EEPD1: variants seen among roughly 807,000 people sequenced by gnomAD.
The protein encoded by EEPD1 is endonuclease/exonuclease/phosphatase family domain containing 1.
EEPD1 carries 17 observed loss-of-function variants against 46.3 expected under a neutral mutation model. That is an observed-to-expected ratio of 0.37 (90% CI 0.25 to 0.55). EEPD1 has a LOEUF of 0.55. Ranked by LOEUF, EEPD1 falls within the 20% of genes least tolerant of loss-of-function variation. The pLI is 0.83. For synonymous variants in EEPD1, 313 were observed against 315.6 expected, an observed-to-expected ratio of 0.99 and a Z score of 0.09; for missense variants, 673 against 745.6, an observed-to-expected ratio of 0.90 and a Z score of 1.13.
chr7:36,177,238 G>GT (rs11354084), intron 2 of EEPD1, among the ~76,000 whole-genome samples: 1 of 149,814 alleles, frequency 6.7e-6, no homozygotes, highest in African/African-American at 2.5e-5. Context: ...CTTACTTGAG[G>GT]TTTTTTTTTT....
At chr7:36,269,065 A>G (rs1158422499) in intron 3 of EEPD1, among the ~76,000 whole-genome samples, 1 of 152,198 alleles carries the variant, frequency 6.6e-6, no homozygotes, top group East Asian at 1.9e-4. Context: ...TGGAGTCTGC[A>G]TGGGTTTGTT....
intron 2 of EEPD1, among the ~76,000 whole-genome samples, chr7:36,224,302 C>G (rs146346178): frequency 6.6e-6 from 1 of 152,304 alleles, no homozygotes; most frequent in African/African-American, 2.4e-5. Flanking sequence ...AAGCAGAGCT[C>G]TTTCTCTGTG....
At chr7:36,272,527 TC>T (rs1160666375) in intron 3 of EEPD1, among the ~76,000 whole-genome samples, 1 of 144,562 alleles carries the variant, frequency 6.9e-6, no homozygotes, top group African/African-American at 2.6e-5. Flanking sequence ...TTTTTTGTGC[TC>T]CCTTCGCTTA....
chr7:36,243,948 A>G (rs1035677365), intron 3 of EEPD1, among the ~76,000 whole-genome samples: 1 of 151,882 alleles, frequency 6.6e-6, no homozygotes, highest in Non-Finnish European at 1.5e-5. Flanking sequence ...CCTAATGCTA[A>G]ATGACGAGTT....
chr7:36,186,550 T>C (rs1562678403), intron 2 of EEPD1, among the ~76,000 whole-genome samples: 1 of 152,254 alleles, frequency 6.6e-6, no homozygotes, highest in Non-Finnish European at 1.5e-5. Flanking sequence ...TATAGTCATC[T>C]TGTGAAAATA....
intron 2 of EEPD1, among the ~76,000 whole-genome samples, chr7:36,233,358 G>A (rs1254924388): frequency 2.0e-5 from 3 of 152,254 alleles, no homozygotes; most frequent in African/African-American, 7.2e-5. Flanking sequence ...TTTTCAGAAG[G>A]AGAAACCGAG....
chr7:36,286,677 G>A (rs1236281411), intron 5 of EEPD1, among the ~76,000 whole-genome samples: 4 of 152,320 alleles, frequency 2.6e-5, no homozygotes, highest in African/African-American at 9.6e-5. Flanking sequence ...TCTGGCTATA[G>A]TGGGCTCCAG....
intron 6 of EEPD1, among the ~76,000 whole-genome samples, chr7:36,288,024 A>G (rs958543086): frequency 1.3e-5 from 2 of 152,012 alleles, no homozygotes; most frequent in Non-Finnish European, 2.9e-5. Flanking sequence ...CCTCATTTAG[A>G]TAGAAAGGAT....
intron 6 of EEPD1, among the ~76,000 whole-genome samples, chr7:36,295,533 G>C (rs1005262342): frequency 2.6e-5 from 4 of 151,370 alleles, no homozygotes; most frequent in African/African-American, 9.7e-5. Flanking sequence ...CTAAAGGAGG[G>C]GGAGCACAAC....
chr7:36,170,142 C>T (rs187332068), intron 2 of EEPD1, among the ~76,000 whole-genome samples: 320 of 152,264 alleles, frequency 2.1e-3, no homozygotes, highest in African/African-American at 7.1e-3. Flanking sequence ...CGGTGGCTCG[C>T]GCCTGTAATC....
intron 2 of EEPD1, among the ~76,000 whole-genome samples, chr7:36,209,572 C>G (rs1446508475): frequency 6.6e-6 from 1 of 152,118 alleles, no homozygotes; most frequent in Non-Finnish European, 1.5e-5. Flanking sequence ...TTTCCTGTAG[C>G]TGGGTTTTAA....
At chr7:36,201,894 G>A (rs933812098) in intron 2 of EEPD1, among the ~76,000 whole-genome samples, 16 of 152,206 alleles carry the variant, frequency 1.1e-4, no homozygotes, top group Non-Finnish European at 1.5e-4. Context: ...CTTTTTGTGA[G>A]TTCTGGCTTC....
At chr7:36,216,803 G>A (rs1049865590) in intron 2 of EEPD1, among the ~76,000 whole-genome samples, 4 of 152,128 alleles carry the variant, frequency 2.6e-5, no homozygotes, top group African/African-American at 9.7e-5. Context: ...ATTACTTGGT[G>A]GCAACTTAAA....
chr7:36,217,380 A>G (rs1261416155), intron 2 of EEPD1, among the ~76,000 whole-genome samples: 1 of 152,194 alleles, frequency 6.6e-6, no homozygotes, highest in African/African-American at 2.4e-5. Context: ...CTAATGCATT[A>G]TAATTAGTGT....
intron 4 of EEPD1, among the ~76,000 whole-genome samples, chr7:36,282,903 C>CTT (rs1787282656): frequency 6.6e-6 from 1 of 152,152 alleles, no homozygotes; most frequent in Non-Finnish European, 1.5e-5. Flanking sequence ...AACAGATAAT[C>CTT]CAAAAAAATT....
intron 5 of EEPD1, among the ~76,000 whole-genome samples, chr7:36,285,183 C>T (rs967800949): frequency 3.3e-5 from 5 of 152,128 alleles, no homozygotes; most frequent in Admixed American, 1.3e-4. Context: ...GGGGATTATC[C>T]GGATGGCCTA....
rs1787599552 is a variant in EEPD1, at chr7:36,300,281, C to T, written c.*1075C>T. 6.6e-6 allele frequency: 1 copy of T among 152,372 alleles called. No individual in the cohort carries two copies. Among genetic ancestry groups the T allele is most frequent in the South Asian group, 2.1e-4 (1 of 4,832 alleles). The allele number at this position is 152,372 out of a possible 1,614,324, so 9.4% of individuals were successfully genotyped here. On this transcript the variant is annotated 3_prime_UTR_variant, in exon 8 of 8. Coordinates refer to ENST00000242108, the MANE Select transcript of EEPD1 (RefSeq NM_030636.3). ...GGAGGAAGCGAGGATGCGTGCCTGC[C>T]ACTAGGCATCTGCATCCCCGAGCCC... is the stretch of plus-strand genomic sequence containing the variant.
chr7:36,291,426 G>C (rs912475559), intron 6 of EEPD1, among the ~76,000 whole-genome samples: 3 of 152,174 alleles, frequency 2.0e-5, no homozygotes, highest in African/African-American at 7.2e-5. Context: ...ACCTCTGGGA[G>C]CCTGTTTCGT....
At chr7:36,274,081 C>A (rs974747981) in intron 3 of EEPD1, among the ~76,000 whole-genome samples, 12 of 152,262 alleles carry the variant, frequency 7.9e-5, no homozygotes, top group Non-Finnish European at 2.9e-5. Context: ...GGGCCTGCCC[C>A]CTCTGGGATG....
Sources: allele counts gnomAD v4.1 joint callset (sites outside exome capture counted in the v4.1 genomes callset), GRCh38; gene constraint gnomAD v4.1.1; transcripts MANE v1.5; gene names NCBI Gene and HGNC (gene_info 2026-07-23, HGNC 2026-07-21).